The following ZNF592 variants were observed in gnomAD, a reference collection of about 807,000 sequenced individuals.
ZNF592 encodes the protein zinc finger protein 592, also known as spinocerebellar ataxia, autosomal recessive 5.
ZNF592 carries 11 observed loss-of-function variants against 80.3 expected under a neutral mutation model. The ratio of observed to expected loss-of-function variants is 0.14; its 90% CI spans 0.09 to 0.23. The LOEUF (loss-of-function observed/expected upper bound fraction) is 0.23, where lower values mean the gene tolerates loss of function less well. ZNF592 is among the 10% of genes least tolerant of loss of function. The pLI, the probability that ZNF592 is intolerant of heterozygous loss-of-function variation, is 1.00. For missense variants in ZNF592, 1,420 were observed against 1,633.9 expected, an observed-to-expected ratio of 0.87 and a Z score of 2.26; for synonymous variants, 646 against 640.3, an observed-to-expected ratio of 1.01 and a Z score of -0.13.
Position 84,801,870 on chromosome 15 carries a change from A to T in ZNF592, c.3281A>T (p.His1094Leu). ...TGCTGTCTCTCCTTTTAGGTGAACCATCTGAAAAGACCAGTCAGTGGAGTG... is the reference window on the plus strand; with the variant it reads ...TGCTGTCTCTCCTTTTAGGTGAACCTTCTGAAAAGACCAGTCAGTGGAGTG... ...PPGGHSPQVN[H>L]LKRPVSGVGD... Residue 1094 changes from histidine (H) to leucine (L), a missense_variant, in exon 11 of 11, where the codon CAT becomes CTT. Physicochemically the swap from His to Leu is moderately conservative, Grantham distance 99. Coordinates refer to ENST00000560079, the MANE Select transcript of ZNF592 (RefSeq NM_014630.3). The T allele has an allele frequency of 6.2e-7, 1 of 1,613,924 alleles. No individual in the cohort carries two copies. Among genetic ancestry groups the T allele is most frequent in the Non-Finnish European group, 8.5e-7 (1 of 1,179,850 alleles).
rs1453437613 is a variant in ZNF592, at chr15:84,784,679, C to T, written c.2004C>T (p.Asn668=). The T allele has an allele frequency of 1.9e-6, 3 of 1,614,018 alleles. No homozygotes were observed. The highest frequency in any genetic ancestry group is 2.7e-5 in the African/African-American group (2 of 74,930). ...AAATGTTCGTGTCGGCCCCTGTGAA[C>T]TCCACGGCACCAGCAGCCCCAGCCC... ...ADQMFVSAPV[N]STAPAAPAPS... The change falls in exon 4 of 11, where the codon AAC becomes AAT. Residue 668 remains asparagine, a synonymous_variant. Transcript: ENST00000560079. The surrounding 1 kb of genome is among the most constrained non-coding windows in gnomAD (Gnocchi z 5.8).
At chr15:84,796,296 A>ATATATATATATATAT (rs1567076462) in intron 5 of ZNF592, among the ~76,000 whole-genome samples, 19 of 40,096 alleles carry the variant, frequency 4.7e-4, no homozygotes, top group East Asian at 1.0e-3. Context: ...TATATATATA[A>ATATATATATATATAT]AAAAACGAAG....
intron 5 of ZNF592, among the ~76,000 whole-genome samples, chr15:84,795,930 G>A (rs1056602982): frequency 1.3e-5 from 2 of 151,852 alleles, no homozygotes; most frequent in African/African-American, 4.8e-5. Flanking sequence ...GATTCTGTGG[G>A]GATTTATGTG....
chr15:84,769,410 GTC>G (rs533892304), intron 2 of ZNF592, among the ~76,000 whole-genome samples: 87 of 152,072 alleles, frequency 5.7e-4, no homozygotes, highest in African/African-American at 2.0e-3. Flanking sequence ...GGGGATTGGT[GTC>G]TCATGTAGAA....
chr15:84,765,535 G>GTTTT (rs71453265), intron 2 of ZNF592, among the ~76,000 whole-genome samples: 1,640 of 92,234 alleles, frequency 0.018, 125 homozygotes, highest in African/African-American at 0.026. Context: ...TGTTATTATT[G>GTTTT]TTTTTTTTTT....
rs71453265 is a variant in ZNF592 at position 84,765,535 on chromosome 15, G to GTTTTTTTTTTTTT, written c.-150+730_-150+742dup. On this transcript the variant is annotated intron_variant, in intron 2 of 10. Transcript: ENST00000560079. ...ATCCTCACTAGCACTTGTTATTATTGTTTTTTTTTTTTTTTTTTTTTTGAG... is the reference window on the plus strand; with the variant it reads ...ATCCTCACTAGCACTTGTTATTATTGTTTTTTTTTTTTTTTTTTTTTTTTTTTTTTTTTTTGAG... Among the ~76,000 whole-genome samples the GTTTTTTTTTTTTT allele has an allele frequency of 3.1e-4, 29 of 92,288 alleles. 2 individuals are homozygous for GTTTTTTTTTTTTT. Among genetic ancestry groups the GTTTTTTTTTTTTT allele is most frequent in the Non-Finnish European group, 3.6e-4 (18 of 50,416 alleles). The allele number at this position is 92,288 out of a possible 152,430, so 60.5% of individuals were successfully genotyped here.
At chr15:84,782,069 G>A (rs1962436192) in intron 3 of ZNF592, among the ~76,000 whole-genome samples, 2 of 152,172 alleles carry the variant, frequency 1.3e-5, no homozygotes, top group South Asian at 4.1e-4. Context: ...GGAATCAAGT[G>A]TGTCTGCTGA....
In ZNF592 at chr15:84,802,408, G is replaced by T. The variant is rs1319494541; in HGVS notation, c.*15G>T. On this transcript the variant is annotated 3_prime_UTR_variant, in exon 11 of 11. Transcript: ENST00000560079. ...CTCAGGTGTGACCGGAGACTTTGCA[G>T]TGTGCATGGTCAGGGGTGGTGCCGA... 5 of 1,612,980 alleles carry T rather than the reference G, an allele frequency of 3.1e-6. No homozygotes were observed. Among genetic ancestry groups the T allele is most frequent in the African/African-American group, 1.3e-5 (1 of 74,920 alleles).
At chr15:84,780,347 C>T (rs1962385643) in intron 3 of ZNF592, among the ~76,000 whole-genome samples, 1 of 152,130 alleles carries the variant, frequency 6.6e-6, no homozygotes, top group South Asian at 2.1e-4. Flanking sequence ...GCTTATAAAG[C>T]AAATATCATG....
Position 84,783,379 on chromosome 15 carries a change from C to G in ZNF592, c.704C>G (p.Thr235Ser). The G allele has an allele frequency of 6.2e-7, 1 of 1,614,216 alleles. No individual in the cohort carries two copies. Among genetic ancestry groups the G allele is most frequent in the Non-Finnish European group, 8.5e-7 (1 of 1,180,052 alleles). ...TVEPHKDPDATRFFGEALEFN... is the reference protein window; with the variant it reads ...TVEPHKDPDASRFFGEALEFN... ...GAACCTCACAAGGATCCGGATGCCA[C>G]TCGATTCTTCGGGGAAGCTTTGGAG... The change falls in exon 4 of 11, where the codon ACT becomes AGT. Residue 235 changes from threonine to serine, a missense_variant. By Grantham distance (58) the Thr-to-Ser change is moderately conservative. Transcript: ENST00000560079. This position sits in a 1 kb window ranked among gnomAD's most constrained non-coding sequence, Gnocchi z 5.0.
At chr15:84,790,216 T>C (rs2141993129) in intron 4 of ZNF592, among the ~76,000 whole-genome samples, 1 of 151,928 alleles carries the variant, frequency 6.6e-6, no homozygotes, top group African/African-American at 2.4e-5. Flanking sequence ...CCAATCAGGG[T>C]GGTCTCAGAT....
intron 1 of ZNF592, among the ~76,000 whole-genome samples, chr15:84,760,666 A>G (rs998462740): frequency 6.6e-6 from 1 of 152,124 alleles, no homozygotes; most frequent in African/African-American, 2.4e-5. Flanking sequence ...ATAGGGTAGC[A>G]AAGGGCAGTG....
chr15:84,749,061 C>T (rs1259047058), intron 1 of ZNF592, among the ~76,000 whole-genome samples: 3 of 152,254 alleles, frequency 2.0e-5, no homozygotes, highest in Non-Finnish European at 2.9e-5. Flanking sequence ...CCTGTCAGCC[C>T]GACCGTCCCC....
At chr15:84,786,085 G>A (rs576586423) in intron 4 of ZNF592, among the ~76,000 whole-genome samples, 21 of 152,280 alleles carry the variant, frequency 1.4e-4, no homozygotes, top group African/African-American at 4.8e-4. Flanking sequence ...CCAGGGTTCT[G>A]TGCATGTGTT....
At chr15:84,767,636 A>C (rs1899568135) in intron 2 of ZNF592, among the ~76,000 whole-genome samples, 1 of 152,088 alleles carries the variant, frequency 6.6e-6, no homozygotes, top group South Asian at 2.1e-4. Flanking sequence ...CTAAATTGTC[A>C]GCTCTGTGTA....
chr15:84,795,221 T>G (rs568017169), intron 5 of ZNF592, among the ~76,000 whole-genome samples: 16 of 152,306 alleles, frequency 1.1e-4, no homozygotes, highest in African/African-American at 3.6e-4. Flanking sequence ...TTAGACTGTT[T>G]TAATGTTATT....
intron 2 of ZNF592, 95 bp downstream of exon 2, chr15:84,764,910 G>GTT (rs11313287): frequency 5.3e-6 from 2 of 374,996 alleles, no homozygotes; most frequent in Non-Finnish European, 4.7e-6. Context: ...GTTTTGTTTT[G>GTT]TTTTTTTTTG....
chr15:84,762,408 G>A (rs1899378814), intron 1 of ZNF592, among the ~76,000 whole-genome samples: 1 of 152,112 alleles, frequency 6.6e-6, no homozygotes, highest in African/African-American at 2.4e-5. Context: ...GTGAGAGAGG[G>A]AGCCACGCAG....
chr15:84,774,362 C>T (rs530441137), intron 2 of ZNF592, among the ~76,000 whole-genome samples: 10 of 152,136 alleles, frequency 6.6e-5, no homozygotes, highest in Non-Finnish European at 1.3e-4. Context: ...TATTGGGTCC[C>T]AAAGCATTTA....
Sources: gnomAD v4.1 joint callset for allele counts (sites outside exome capture counted in the v4.1 genomes callset) on GRCh38, gnomAD v4.1.1 for gene constraint, Gnocchi (gnomAD v3.1) non-coding constraint, MANE v1.5 for transcripts, NCBI Gene and HGNC (gene_info 2026-07-23, HGNC 2026-07-21) for gene names.